Variants in TPST1 observed in about 807,000 individuals in gnomAD.
TPST1 encodes tyrosylprotein sulfotransferase 1.
Under a neutral mutation model 34.8 loss-of-function variants are expected in TPST1, and 20 were observed. The observed-to-expected ratio is 0.57, with a 90% CI of 0.40 to 0.84. The LOEUF (loss-of-function observed/expected upper bound fraction) is 0.84. Among genes scored for constraint, TPST1 ranks in the 40% least tolerant of loss-of-function variants. The pLI, the probability that TPST1 is intolerant of heterozygous loss-of-function variation, is 0.00. For missense variants in TPST1, 353 were observed against 455.5 expected (o/e 0.78, Z 2.05); for synonymous variants, 152 against 159.4 (o/e 0.95, Z 0.35).
intron 3 of TPST1, among the ~76,000 whole-genome samples, chr7:66,340,095 G>T (rs1317582203): frequency 6.6e-6 from 1 of 152,036 alleles, no homozygotes; most frequent in Non-Finnish European, 1.5e-5. Context: ...CAGCAATTTG[G>T]GAGGCTGAGG....
intron 3 of TPST1, among the ~76,000 whole-genome samples, chr7:66,304,530 G>C (rs1042927091): frequency 6.6e-6 from 1 of 152,194 alleles, no homozygotes; most frequent in African/African-American, 2.4e-5. Context: ...AGTGGTGGTG[G>C]TGCCAGTTGA....
upstream of TPST1, among the ~76,000 whole-genome samples, chr7:66,201,381 CAA>C (rs138553925): frequency 4.1e-4 from 30 of 73,502 alleles, no homozygotes; most frequent in African/African-American, 1.2e-3. Flanking sequence ...CCATCTCTAC[CAA>C]AAAAAAAAAA....
At chr7:66,308,838 C>T (rs1448375313) in intron 3 of TPST1, among the ~76,000 whole-genome samples, 1 of 152,126 alleles carries the variant, frequency 6.6e-6, no homozygotes, top group Admixed American at 6.6e-5. Flanking sequence ...GTTAGGAGAT[C>T]AGTGAACAGA....
intron 1 of TPST1, among the ~76,000 whole-genome samples, chr7:66,225,504 G>A (rs1018996085): frequency 5.9e-5 from 9 of 151,926 alleles, no homozygotes; most frequent in East Asian, 2.0e-4. Context: ...CCCAGCTACC[G>A]GGGAGGCTGA....
chr7:66,215,118 G>A (rs1175886978), intron 1 of TPST1, among the ~76,000 whole-genome samples: 1 of 148,510 alleles, frequency 6.7e-6, no homozygotes, highest in African/African-American at 2.5e-5. Context: ...GCAGTGGCGC[G>A]ATCTTGGCTC....
intron 3 of TPST1, among the ~76,000 whole-genome samples, chr7:66,315,457 G>A (rs1295240257): frequency 6.6e-6 from 1 of 152,210 alleles, no homozygotes; most frequent in Non-Finnish European, 1.5e-5. Flanking sequence ...TAGTGCTCAC[G>A]GTTGCCCAGT....
intron 1 of TPST1, among the ~76,000 whole-genome samples, chr7:66,215,413 C>T (rs1014751448): frequency 3.4e-5 from 5 of 147,874 alleles, no homozygotes; most frequent in Admixed American, 2.7e-4. Flanking sequence ...CTTGCTCTGT[C>T]GCCCAGGCTG....
At chr7:66,276,378 A>ATATATATATATG (rs1244773173) in intron 2 of TPST1, among the ~76,000 whole-genome samples, 2 of 138,792 alleles carry the variant, frequency 1.4e-5, no homozygotes, top group Non-Finnish European at 3.1e-5. Context: ...ATATATATAT[A>ATATATATATATG]TATGTATTTT....
At chr7:66,344,028 G>A (rs1422234697) in intron 3 of TPST1, among the ~76,000 whole-genome samples, 1 of 152,174 alleles carries the variant, frequency 6.6e-6, no homozygotes, top group African/African-American at 2.4e-5. Context: ...TAGATAACCT[G>A]GGAAAGATTC....
intron 3 of TPST1, among the ~76,000 whole-genome samples, chr7:66,346,872 G>A (rs961516463): frequency 6.6e-6 from 1 of 151,990 alleles, no homozygotes; most frequent in Admixed American, 6.6e-5. Context: ...GCCTGTCTTT[G>A]TGGGGTATTA....
chr7:66,239,862 ATTTGT>A (rs1258651253), intron 1 of TPST1, among the ~76,000 whole-genome samples: 2 of 151,936 alleles, frequency 1.3e-5, no homozygotes, highest in East Asian at 3.9e-4. Flanking sequence ...AATTTTACTC[ATTTGT>A]TTTTGTTTTG....
At chr7:66,257,694 C>T (rs1012301846) in intron 2 of TPST1, among the ~76,000 whole-genome samples, 2 of 152,298 alleles carry the variant, frequency 1.3e-5, no homozygotes. Flanking sequence ...GTAATAGTCA[C>T]ACCCACGAAT....
chr7:66,325,579 A>G (rs1298346855), intron 3 of TPST1, among the ~76,000 whole-genome samples: 1 of 151,618 alleles, frequency 6.6e-6, no homozygotes, highest in African/African-American at 2.4e-5. Flanking sequence ...TCACCCTCCT[A>G]AGTAGCTGGG....
At chr7:66,213,424 C>T (rs1029489261) in intron 1 of TPST1, among the ~76,000 whole-genome samples, 2 of 151,962 alleles carry the variant, frequency 1.3e-5, no homozygotes, top group African/African-American at 4.8e-5. Flanking sequence ...GTGAGATTTT[C>T]TATTTTGTCA....
At chr7:66,316,188 T>A (rs924465438) in intron 3 of TPST1, among the ~76,000 whole-genome samples, 1 of 152,206 alleles carries the variant, frequency 6.6e-6, no homozygotes, top group African/African-American at 2.4e-5. Context: ...CTAAATATTT[T>A]AAAATTATTT....
chr7:66,287,523 CCTGA>C lies in TPST1; in HGVS notation c.1044+817_1044+820del, dbSNP rs1387388097. Among the ~76,000 whole-genome samples the C allele has an allele frequency of 3.9e-5, 2 of 51,114 alleles. 1 individual carries two copies. Among genetic ancestry groups the C allele is most frequent in the Non-Finnish European group, 7.1e-5 (2 of 28,012 alleles). The allele number at this position is 51,114 out of a possible 152,430, so 33.5% of individuals were successfully genotyped here. On this transcript the variant is annotated intron_variant, in intron 3 of 5. Transcript: ENST00000304842. ...GCATCCTCTCCAGCACCTGTTGTTT[CCTGA>C]CTTTTTAATGATTGCCATTCTACCT...
At chr7:66,354,783 C>A (rs1792551070) in intron 4 of TPST1, among the ~76,000 whole-genome samples, 2 of 151,622 alleles carry the variant, frequency 1.3e-5, no homozygotes, top group Non-Finnish European at 2.9e-5. Flanking sequence ...TTGCTTGAGT[C>A]CAGGCATTCA....
chr7:66,295,650 A>G (rs1228980885), intron 3 of TPST1, among the ~76,000 whole-genome samples: 1 of 152,146 alleles, frequency 6.6e-6, no homozygotes, highest in Non-Finnish European at 1.5e-5. Context: ...ATATTCTTTT[A>G]TGAACTAAGT....
chr7:66,206,497 G>A (rs1054881798), intron 1 of TPST1, among the ~76,000 whole-genome samples: 1 of 152,116 alleles, frequency 6.6e-6, no homozygotes, highest in Non-Finnish European at 1.5e-5. Flanking sequence ...GGAGAAATTG[G>A]TGAACTCCAG....
Sources: allele counts gnomAD v4.1 joint callset (sites outside exome capture counted in the v4.1 genomes callset), GRCh38; gene constraint gnomAD v4.1.1; transcripts MANE v1.5; gene names NCBI Gene and HGNC (gene_info 2026-07-23, HGNC 2026-07-21).